Variants in ROBO2 observed in about 807,000 individuals in gnomAD.
The protein encoded by ROBO2 is roundabout guidance receptor 2, also known as roundabout homolog 2.
A neutral mutation model predicts 160.8 loss-of-function variants in ROBO2; 53 were observed. The observed-to-expected ratio is 0.33, with a 90% CI of 0.26 to 0.41. The LOEUF (loss-of-function observed/expected upper bound fraction) is 0.41. Ranked by LOEUF, ROBO2 falls within the 10% of genes least tolerant of loss-of-function variation. The probability of loss-of-function intolerance (pLI) is 1.00; values close to 1 mark genes in which losing one functional copy is unlikely to be tolerated. For synonymous variants in ROBO2, 664 were observed against 611.7 expected (o/e 1.09, Z -1.26); for missense variants, 1,577 against 1,722.4 (o/e 0.92, Z 1.49).
At chr3:76,598,046 A>G (rs1273814337) in intron 2 of ROBO2, among the ~76,000 whole-genome samples, 4 of 152,114 alleles carry the variant, frequency 2.6e-5, no homozygotes, top group Non-Finnish European at 4.4e-5. Context: ...TGAATGATGG[A>G]ACAACTGCTG....
rs771412575 is a variant in ROBO2 at position 77,274,619 on chromosome 3, ATAGAG to A, written c.388+176285_388+176289del. ...CCATCTTAGGAAGCCAAAGATAATC[ATAGAG>A]TAGAGATTGAATTACATGGAAAGAA... On this transcript the variant is annotated intron_variant, in intron 2 of 25. Transcript: ENST00000461745. Among the ~76,000 whole-genome samples the A allele has an allele frequency of 9.2e-5, 14 of 152,280 alleles. No homozygotes were observed. In the East Asian group the frequency reaches 1.2e-3, roughly 13 times the overall value.
chr3:77,475,552 GC>G (rs1425846358), intron 2 of ROBO2, among the ~76,000 whole-genome samples: 2 of 152,138 alleles, frequency 1.3e-5, no homozygotes, highest in Non-Finnish European at 2.9e-5. Context: ...TCTGGAGAAG[GC>G]CCTTCAACTG....
At chr3:76,832,731 G>A (rs2067197425) in intron 2 of ROBO2, among the ~76,000 whole-genome samples, 1 of 152,150 alleles carries the variant, frequency 6.6e-6, no homozygotes, top group Non-Finnish European at 1.5e-5. Context: ...AGGTCTGGGA[G>A]CTGGAGAGAA....
At chr3:76,653,786 G>C (rs2109926599) in intron 2 of ROBO2, among the ~76,000 whole-genome samples, 1 of 152,196 alleles carries the variant, frequency 6.6e-6, no homozygotes, top group Non-Finnish European at 1.5e-5. Context: ...CAGCAGACTG[G>C]AAAATGGGTA....
chr3:76,441,455 C>T (rs368930295), intron 2 of ROBO2, among the ~76,000 whole-genome samples: 8 of 152,138 alleles, frequency 5.3e-5, no homozygotes, highest in Admixed American at 1.3e-4. Flanking sequence ...GGAAAAGCCC[C>T]TCATTCTTGA....
intron 2 of ROBO2, among the ~76,000 whole-genome samples, chr3:77,309,986 A>C (rs185845944): frequency 4.6e-4 from 57 of 124,776 alleles, no homozygotes; most frequent in African/African-American, 1.4e-3. Context: ...TGGTAGTTAG[A>C]CAGTAGCTCT....
At chr3:76,819,831 G>A (rs1052501245) in intron 2 of ROBO2, among the ~76,000 whole-genome samples, 1 of 152,078 alleles carries the variant, frequency 6.6e-6, no homozygotes. Flanking sequence ...AAGATCAAAT[G>A]CTCTGCTGTT....
chr3:76,807,645 A>G (rs1008929219), intron 2 of ROBO2, among the ~76,000 whole-genome samples: 5 of 152,064 alleles, frequency 3.3e-5, no homozygotes, highest in African/African-American at 1.2e-4. Flanking sequence ...TTTGAATAAC[A>G]TTCCCATGAA....
chr3:75,913,388 G>C (rs1242669954), intron 1 of ROBO2, among the ~76,000 whole-genome samples: 2 of 152,108 alleles, frequency 1.3e-5, no homozygotes. Context: ...AACATCTTTT[G>C]GGACTATTAT....
At chr3:77,013,301 A>G (rs1578248765) in intron 2 of ROBO2, among the ~76,000 whole-genome samples, 1 of 152,128 alleles carries the variant, frequency 6.6e-6, no homozygotes, top group South Asian at 2.1e-4. Context: ...TTGGCTGTTT[A>G]GGTAATTTCT....
intron 2 of ROBO2, among the ~76,000 whole-genome samples, chr3:76,065,730 A>ATATAT (rs753797432): frequency 6.1e-4 from 83 of 136,976 alleles, no homozygotes; most frequent in African/African-American, 2.4e-3. Context: ...ATGCATATTT[A>ATATAT]AACTAAATAT....
At chr3:76,752,181 C>A (rs557449664) in intron 2 of ROBO2, among the ~76,000 whole-genome samples, 2 of 151,686 alleles carry the variant, frequency 1.3e-5, no homozygotes, top group African/African-American at 4.8e-5. Flanking sequence ...TCTGAACTAT[C>A]GCAAGGACAG....
At chr3:76,030,219 T>C (rs1212040759) in intron 2 of ROBO2, among the ~76,000 whole-genome samples, 4 of 152,144 alleles carry the variant, frequency 2.6e-5, no homozygotes, top group African/African-American at 9.7e-5. Flanking sequence ...GGTCGTTTGC[T>C]TTTTTCTTGT....
intron 2 of ROBO2, among the ~76,000 whole-genome samples, chr3:76,335,164 A>G (rs1327776150): frequency 6.7e-6 from 1 of 148,670 alleles, no homozygotes; most frequent in Non-Finnish European, 1.5e-5. Context: ...ACCACATCCA[A>G]ACTTTTCTGT....
At chr3:77,614,757 A>AAC (rs1559731644) in intron 21 of ROBO2, among the ~76,000 whole-genome samples, 53 of 138,700 alleles carry the variant, frequency 3.8e-4, no homozygotes, top group East Asian at 2.6e-3. Context: ...AACCAACCAA[A>AAC]CAAACAAACA....
intron 2 of ROBO2, among the ~76,000 whole-genome samples, chr3:76,665,139 A>C (rs1330794770): frequency 6.6e-6 from 1 of 152,064 alleles, no homozygotes; most frequent in Admixed American, 6.6e-5. Flanking sequence ...CTTTCCCCTC[A>C]ATGTTTTCCT....
chr3:76,514,973 A>G (rs192710523), intron 2 of ROBO2, among the ~76,000 whole-genome samples: 133 of 152,236 alleles, frequency 8.7e-4, no homozygotes, highest in African/African-American at 3.1e-3. Context: ...TAATGTTTTT[A>G]TAGAAAATAA....
intron 2 of ROBO2, among the ~76,000 whole-genome samples, chr3:76,899,869 A>G (rs1361323367): frequency 1.3e-5 from 2 of 152,114 alleles, no homozygotes; most frequent in East Asian, 1.9e-4. Context: ...TCATTCGTAT[A>G]TATTTTTTAA....
At chr3:76,473,217 G>T (rs1306723806) in intron 2 of ROBO2, among the ~76,000 whole-genome samples, 7 of 152,014 alleles carry the variant, frequency 4.6e-5, no homozygotes, top group Non-Finnish European at 7.4e-5. Context: ...TCAACTTGTT[G>T]TCAGCTCCTC....
Sources: allele counts gnomAD v4.1 joint callset (sites outside exome capture counted in the v4.1 genomes callset), GRCh38; gene constraint gnomAD v4.1.1; transcripts MANE v1.5; gene names NCBI Gene and HGNC (gene_info 2026-07-23, HGNC 2026-07-21).